CPNE7: variants seen among roughly 807,000 people sequenced by gnomAD.
CPNE7 encodes copine 7, also known as copine-7.
In CPNE7, 78 loss-of-function variants were observed where a neutral mutation model predicts 66.5. The ratio of observed to expected loss-of-function variants is 1.17; its 90% CI spans 0.98 to 1.42. CPNE7 has a LOEUF of 1.42. Ranked by LOEUF, CPNE7 falls within the 40% of genes most tolerant of loss-of-function variation. CPNE7 has a pLI of 0.00. For synonymous variants in CPNE7, 468 were observed against 336.7 expected, an observed-to-expected ratio of 1.39 and a Z score of -4.27; for missense variants, 1,012 against 776.6, an observed-to-expected ratio of 1.30 and a Z score of -3.60.
At chr16:89,594,002 C>T (rs1203373385) in intron 13 of CPNE7, 1 of 152,240 alleles carries the variant, frequency 6.6e-6, no homozygotes, top group Non-Finnish European at 1.5e-5. Context: ...CCACTCCTGG[C>T]ATTGCACATC....
intron 9 of CPNE7, chr16:89,587,652 A>AC (rs2059077209): frequency 2.1e-4 from 93 of 441,246 alleles, no homozygotes; most frequent in South Asian, 1.5e-3. Flanking sequence ...ACCCCGTGTC[A>AC]CCCCCATGTC....
rs1211502558 is a variant in CPNE7, at chr16:89,584,895, G to A, written c.591+38G>A. 1 of 1,567,078 alleles carries A rather than the reference G, an allele frequency of 6.4e-7. No homozygotes were observed. The highest frequency in any genetic ancestry group is 8.8e-7 in the Non-Finnish European group (1 of 1,139,762). ...GGATGGGAACACAGGGAGGGGAAGG[G>A]GCTGTCCCCAGCCCTCACGCATCTC... On this transcript the variant is annotated intron_variant, in intron 5 of 14. Coordinates refer to ENST00000319518, the MANE Select transcript of CPNE7 (RefSeq NM_153636.3). The surrounding 1 kb of genome is among the most constrained non-coding windows in gnomAD (Gnocchi z 6.0).
Position 89,580,369 on chromosome 16 carries a change from C to T in CPNE7, c.357+2648C>T, listed in dbSNP as rs534324454. On this transcript the variant is annotated intron_variant, in intron 2 of 14. Transcript: ENST00000319518. ...TCCCATCACCCGTCACACGGAACAT[C>T]CCATCACCCGTCACATGGAACATCC... 6.8e-4 allele frequency among the ~76,000 whole-genome samples: 98 copies of T among 143,402 alleles called. 2 individuals are homozygous for T. The highest frequency in any genetic ancestry group is 2.5e-3 in the African/African-American group (95 of 38,206). 94.1% of individuals were successfully genotyped at this position (143,402 alleles called of 152,430 possible).
chr16:89,588,126 TCACCCGCG>T (rs2059108381), intron 9 of CPNE7, among the ~76,000 whole-genome samples: 1 of 97,996 alleles, frequency 1.0e-5, no homozygotes, highest in East Asian at 8.0e-4. Context: ...GGCCCCCGTG[TCACCCGCG>T]TGTCACCCAC....
At chr16:89,577,494 G>A (rs2058878486) in intron 1 of CPNE7, 45 bp from the exon 2 acceptor site, 4 of 1,541,606 alleles carry the variant, frequency 2.6e-6, no homozygotes, top group Non-Finnish European at 3.5e-6. Context: ...TGGAGCCCGG[G>A]GTGGAAGCCT....
chr16:89,588,333 G>T (rs986917746), intron 9 of CPNE7, among the ~76,000 whole-genome samples: 3 of 152,236 alleles, frequency 2.0e-5, no homozygotes, highest in Non-Finnish European at 2.9e-5. Context: ...AACGTGGGGG[G>T]ACCCAGACCA....
chr16:89,588,890 C>G, intron 10 of CPNE7, 82 bp downstream of exon 10: 5 of 1,562,598 alleles, frequency 3.2e-6, no homozygotes, highest in Non-Finnish European at 4.4e-6. Context: ...CCCTCACCCC[C>G]CTGGTCTCCA....
rs1163882475 is a variant in CPNE7, at chr16:89,589,901, A to G, written c.1066A>G (p.Lys356Glu). ...GACCTCCTGCCTCTCTTCCAGTGAC[A>G]AGAGGTTTTCCGCTTTGGGGTTTGG... Reference protein sequence around the residue: ...GEICQDYDSDKRFSALGFGAR... With the variant: ...GEICQDYDSDERFSALGFGAR... Residue 356 changes from lysine (K) to glutamate (E), a missense_variant, in exon 11 of 15, where the codon AAG becomes GAG. Physicochemically the swap from Lys to Glu is moderately conservative, Grantham distance 56. Transcript: ENST00000319518. 1 of 1,613,632 alleles carries G rather than the reference A, an allele frequency of 6.2e-7. No homozygotes were observed. Among genetic ancestry groups the G allele is most frequent in the Admixed American group, 1.7e-5 (1 of 59,990 alleles).
At chr16:89,587,011 C>CGGG in intron 8 of CPNE7, 32 bp from the exon 9 acceptor site, 1 of 1,564,102 alleles carries the variant, frequency 6.4e-7, no homozygotes, top group Non-Finnish European at 8.7e-7. Context: ...GTGTCCCTGG[C>CGGG]GGGGGTGGAC....
At position 89,584,710 on chromosome 16, in the gene CPNE7, C is replaced by T. The variant is rs1199134337; in HGVS notation, c.508-64C>T. The T allele has an allele frequency of 9.5e-6, 12 of 1,261,862 alleles. No individual in the cohort carries two copies. The South Asian group carries it at 1.5e-4, about 16-fold the overall frequency. 78.2% of individuals were successfully genotyped at this position (1,261,862 alleles called of 1,614,324 possible). A position where few individuals can be genotyped will look rare whatever the true frequency, so the allele number is the denominator to read the frequency against. On this transcript the variant is annotated intron_variant, in intron 4 of 14. Transcript: ENST00000319518. This position sits in a 1 kb window ranked among gnomAD's most constrained non-coding sequence, Gnocchi z 6.0. ...AAGTGAGCCCTGGGAAACGACAAAG[C>T]CAGCTCCCATCCAAAGCCCGATCTC...
intron 1 of CPNE7, among the ~76,000 whole-genome samples, chr16:89,577,165 G>A (rs965598898): frequency 1.2e-4 from 18 of 152,298 alleles, no homozygotes; most frequent in African/African-American, 4.3e-4. Context: ...CCCCAGCCAG[G>A]AGGGAGGGCC....
At position 89,596,712 on chromosome 16, in the gene CPNE7, A is replaced by C. The variant is rs1597726641; in HGVS notation, c.*91A>C. 4 of 1,349,138 alleles carry C rather than the reference A, an allele frequency of 3.0e-6. No individual in the cohort carries two copies. Among genetic ancestry groups the C allele is most frequent in the South Asian group, 3.4e-5 (2 of 58,976 alleles). The allele number at this position is 1,349,138 out of a possible 1,614,324, so 83.6% of individuals were successfully genotyped here. A position where few individuals can be genotyped will look rare whatever the true frequency, so the allele number is the denominator to read the frequency against. ...CTTGGGGTCCCTTAAGCTCCCTCCG[A>C]CCTCCCAGAAGCCTCCAGTCCCCAC... On this transcript the variant is annotated 3_prime_UTR_variant, in exon 15 of 15. Transcript: ENST00000319518.
chr16:89,590,925 G>A lies in CPNE7; in HGVS notation c.1117-82G>A. The stretch of plus-strand genomic sequence containing the variant: ...TGGGGGACATGGGGGCTGGGGACGG[G>A]GGGAGCAGCTGACCGAGGGACATGG... On this transcript the variant is annotated intron_variant, in intron 11 of 14. Coordinates refer to ENST00000319518, the MANE Select transcript of CPNE7 (RefSeq NM_153636.3). 12 of 1,494,876 alleles carry A rather than the reference G, an allele frequency of 8.0e-6. 1 individual carries two copies. Among genetic ancestry groups the A allele is most frequent in the Middle Eastern group, 3.5e-4 (2 of 5,674 alleles). 92.6% of individuals were successfully genotyped at this position (1,494,876 alleles called of 1,614,324 possible).
At position 89,584,167 on chromosome 16, in the gene CPNE7, T is replaced by A; in HGVS notation, c.507+65T>A. ...TCCGGGAACCGGTTCGAAAACCCGG[T>A]CCCTGCCCAGCGCTGACCTCGCGTG... On this transcript the variant is annotated intron_variant, in intron 4 of 14. Transcript: ENST00000319518. This position sits in a 1 kb window ranked among gnomAD's most constrained non-coding sequence, Gnocchi z 6.0. 6.5e-7 allele frequency: 1 copy of A among 1,535,054 alleles called. No homozygotes were observed. The highest frequency in any genetic ancestry group is 8.9e-7 in the Non-Finnish European group (1 of 1,124,010).
chr16:89,596,330 G>A (rs192082956), intron 14 of CPNE7, among the ~76,000 whole-genome samples, 154 bp from the exon 15 acceptor site: 1 of 152,362 alleles, frequency 6.6e-6, no homozygotes, highest in Non-Finnish European at 1.5e-5. Flanking sequence ...GACATCCTCA[G>A]CAAGTCTTGC....
chr16:89,583,654 C>G, intron 2 of CPNE7, 43 bp from the exon 3 acceptor site: 1 of 1,609,612 alleles, frequency 6.2e-7, no homozygotes, highest in Non-Finnish European at 8.5e-7. Context: ...GGTCAGGAGC[C>G]GTCCCCGCCT....
chr16:89,583,946 A>G, intron 3 of CPNE7, 82 bp from the exon 4 acceptor site: 1 of 1,550,890 alleles, frequency 6.4e-7, no homozygotes, highest in Non-Finnish European at 8.8e-7. Flanking sequence ...GGGTGGGGTC[A>G]GCCAGCCTGG....
chr16:89,580,644 C>G (rs1394714777), intron 2 of CPNE7, among the ~76,000 whole-genome samples: 2 of 137,076 alleles, frequency 1.5e-5, no homozygotes, highest in African/African-American at 5.4e-5. Context: ...CACGGAACAT[C>G]CCATCACCCG....
intron 13 of CPNE7, among the ~76,000 whole-genome samples, chr16:89,592,681 A>T (rs1337789114): frequency 6.8e-6 from 1 of 148,132 alleles, no homozygotes; most frequent in African/African-American, 2.5e-5. Flanking sequence ...TGACCTTGTG[A>T]TCCACCCGCC....
Sources: gnomAD v4.1 joint callset for allele counts (sites outside exome capture counted in the v4.1 genomes callset) on GRCh38, gnomAD v4.1.1 for gene constraint, Gnocchi (gnomAD v3.1) non-coding constraint, MANE v1.5 for transcripts, NCBI Gene and HGNC (gene_info 2026-07-23, HGNC 2026-07-21) for gene names.